Variants in PRSS22 observed in about 807,000 individuals in gnomAD.
PRSS22 encodes the protein serine protease 22.
In PRSS22, 26 loss-of-function variants were observed where a neutral mutation model predicts 28.0. The ratio of observed to expected loss-of-function variants is 0.93; its 90% CI spans 0.68 to 1.29. PRSS22 has a LOEUF of 1.29. Among genes scored for constraint, PRSS22 ranks in the 50% most tolerant of loss-of-function variants. PRSS22 has a pLI of 0.00. For missense variants in PRSS22, 444 were observed against 422.1 expected, an observed-to-expected ratio of 1.05 and a Z score of -0.46; for synonymous variants, 217 against 177.9, an observed-to-expected ratio of 1.22 and a Z score of -1.75.
chr16:2,856,070 G>A lies in PRSS22; in HGVS notation c.281+12C>T, dbSNP rs754397226. ...CTTAGAAGATCAAGTGCCCCAGGCC[G>A]GCTGTACATACTCCTTGAAACAGTG... On this transcript the variant is annotated intron_variant, in intron 3 of 5. Transcript: ENST00000161006. 10 of 1,611,464 alleles carry A rather than the reference G, an allele frequency of 6.2e-6. No individual in the cohort carries two copies. The highest frequency in any genetic ancestry group is 2.2e-5 in the East Asian group (1 of 44,810).
Position 2,853,873 on chromosome 16 carries a change from C to T in PRSS22, c.709G>A (p.Ala237Thr), listed in dbSNP as rs763143895. 2 of 1,614,004 alleles carry T rather than the reference C, an allele frequency of 1.2e-6. No homozygotes were observed. Among genetic ancestry groups the T allele is most frequent in the South Asian group, 2.2e-5 (2 of 91,080 alleles). ...CAGYLEGERD[A>T]CLGDSGGPLM... ...GGCTCGAGGGAGCTCACCAGACAAG[C>T]ATCCCGCTCCCCCTCCAAGTAGCCG... is the stretch of plus-strand genomic sequence containing the variant. Residue 237 changes from alanine (A) to threonine (T), a missense_variant, in exon 5 of 6, where the codon GCT becomes ACT. Coordinates refer to ENST00000161006, the MANE Select transcript of PRSS22 (RefSeq NM_022119.4). This position sits in a 1 kb window ranked among gnomAD's most constrained non-coding sequence, Gnocchi z 4.6.
chr16:2,854,955 T>A (rs546349051), intron 4 of PRSS22, among the ~76,000 whole-genome samples: 4 of 152,284 alleles, frequency 2.6e-5, no homozygotes, highest in Admixed American at 1.3e-4. Flanking sequence ...TGTATTCAGC[T>A]TAGTCCCACA....
At chr16:2,854,814 G>T (rs998475526) in intron 4 of PRSS22, among the ~76,000 whole-genome samples, 11 of 152,192 alleles carry the variant, frequency 7.2e-5, no homozygotes, top group African/African-American at 2.4e-4. Flanking sequence ...ACCTCCAGTG[G>T]TGGTTTGAAA....
rs755674238 is a variant in PRSS22, at chr16:2,856,176, A to T, written c.187T>A (p.Trp63Arg). ...GEDSTDSEWPWIVSIQKNGTH... is the reference protein window; with the variant it reads ...GEDSTDSEWPRIVSIQKNGTH... ...CCATTCTTCTGGATGCTCACGATCCAGGGCCACTCGCTGTCAGTGCTGTCC... is the reference window on the plus strand; with the variant it reads ...CCATTCTTCTGGATGCTCACGATCCTGGGCCACTCGCTGTCAGTGCTGTCC... The change falls in exon 3 of 6, where the codon TGG becomes AGG. Residue 63 changes from tryptophan to arginine, a missense_variant. Physicochemically the swap from Trp to Arg is moderately radical, Grantham distance 101. Coordinates refer to ENST00000161006, the MANE Select transcript of PRSS22 (RefSeq NM_022119.4). 1.9e-6 allele frequency: 3 copies of T among 1,613,876 alleles called. No homozygotes were observed. The highest frequency in any genetic ancestry group is 1.7e-4 in the Middle Eastern group (1 of 5,954).
Position 2,855,491 on chromosome 16 carries a change from G to A in PRSS22, c.559+83C>T. 21 of 1,492,906 alleles carry A rather than the reference G, an allele frequency of 1.4e-5. No homozygotes were observed. In the Admixed American group the frequency reaches 1.9e-4, roughly 14 times the overall value. 92.5% of individuals were successfully genotyped at this position (1,492,906 alleles called of 1,614,324 possible). On this transcript the variant is annotated intron_variant, in intron 4 of 5. Transcript: ENST00000161006. Reference sequence around the variant, plus strand: ...GTGCCTCTGGCCTCCACCCTTTGTTGCTCATGGTGTCTGTGTCCCTGAGTG... The same window carrying A: ...GTGCCTCTGGCCTCCACCCTTTGTTACTCATGGTGTCTGTGTCCCTGAGTG...
At chr16:2,856,623 C>T (rs1294517463) in intron 2 of PRSS22, among the ~76,000 whole-genome samples, 199 bp downstream of exon 2, 1 of 152,036 alleles carries the variant, frequency 6.6e-6, no homozygotes. Flanking sequence ...TCCTGGCTCT[C>T]TCTCTCCTCT....
rs1219246176 is a variant in PRSS22 at position 2,858,088 on chromosome 16, G to A, written c.17C>T (p.Ala6Val). 2 of 1,270,708 alleles carry A rather than the reference G, an allele frequency of 1.6e-6. No individual in the cohort carries two copies. Among genetic ancestry groups the A allele is most frequent in the Admixed American group, 4.0e-5 (1 of 25,084 alleles). 78.7% of individuals were successfully genotyped at this position (1,270,708 alleles called of 1,614,324 possible). Residue 6 changes from alanine (A) to valine (V), a missense_variant, in exon 1 of 6, where the codon GCG becomes GTG. Ala to Val is a moderately conservative substitution (Grantham distance 64, BLOSUM62 0). Coordinates refer to ENST00000161006, the MANE Select transcript of PRSS22 (RefSeq NM_022119.4). MVVSG[A>V]PPALGGGCLG... ...ACAGCCCCCACCCAGGGCTGGGGGC[G>A]CTCCAGAAACCACCATGGCTGGTGG...
intron 1 of PRSS22, chr16:2,857,592 C>T (rs764823295): frequency 1.5e-4 from 24 of 164,840 alleles, no homozygotes; most frequent in Middle Eastern, 2.9e-3. Flanking sequence ...CCCGTCCAGC[C>T]TGCCTTCCGG....
In PRSS22 at chr16:2,853,264, G is replaced by C; in HGVS notation, c.783C>G (p.Ser261Arg). ...TGCGCTCGGCACAGCCCTCGCCCCA[G>C]CTGATGATGCCGGCCAGCAGCCAGG... is the stretch of plus-strand genomic sequence containing the variant. ...DGAWLLAGII[S>R]WGEGCAERNR... Residue 261 changes from serine (S) to arginine (R), a missense_variant, in exon 6 of 6, where the codon AGC (serine) becomes AGG (arginine). Transcript: ENST00000161006. The surrounding 1 kb of genome is among the most constrained non-coding windows in gnomAD (Gnocchi z 4.6). The C allele has an allele frequency of 6.2e-7, 1 of 1,600,796 alleles. No homozygotes were observed. Among genetic ancestry groups the C allele is most frequent in the Non-Finnish European group, 8.5e-7 (1 of 1,179,708 alleles).
chr16:2,855,463 G>A lies in PRSS22; in HGVS notation c.559+111C>T, dbSNP rs565531355. ...CCATCTTTCCTTCCACCTCTGTCAT[G>A]CTGTGCCTCTGGCCTCCACCCTTTG... is the stretch of plus-strand genomic sequence containing the variant. On this transcript the variant is annotated intron_variant, in intron 4 of 5. Coordinates refer to ENST00000161006, the MANE Select transcript of PRSS22 (RefSeq NM_022119.4). 31 of 1,224,072 alleles carry A rather than the reference G, an allele frequency of 2.5e-5. No individual in the cohort carries two copies. In the East Asian group the frequency reaches 4.8e-4, roughly 19 times the overall value. 75.8% of individuals were successfully genotyped at this position (1,224,072 alleles called of 1,614,324 possible).
chr16:2,857,714 G>C (rs1344641074), intron 1 of PRSS22: 4 of 263,446 alleles, frequency 1.5e-5, no homozygotes, highest in Non-Finnish European at 2.9e-5. Context: ...AACACAAAAC[G>C]GTGCTTCCCC....
rs758598271 is a variant in PRSS22 at position 2,855,655 on chromosome 16, T to C, written c.478A>G (p.Ile160Val). Residue 160 changes from isoleucine (I) to valine (V), a missense_variant, in exon 4 of 6, where the codon ATC (isoleucine) becomes GTC (valine). Transcript: ENST00000161006. ...TGGATAGAGGCATCAGGTAGGCAGA[T>C]GGGCAGGACCCGCTCTGAGAACTGT... ...SIQFSERVLP[I>V]CLPDASIHLP... The C allele has an allele frequency of 6.2e-7, 1 of 1,614,114 alleles. No individual in the cohort carries two copies. The highest frequency in any genetic ancestry group is 8.5e-7 in the Non-Finnish European group (1 of 1,180,016).
In PRSS22 at chr16:2,853,945, A is replaced by G. The variant is rs369366864; in HGVS notation, c.637T>C (p.Trp213Arg). 6.8e-6 allele frequency: 11 copies of G among 1,614,084 alleles called. No homozygotes were observed. The African/African-American group carries it at 1.1e-4, about 16-fold the overall frequency. Residue 213 changes from tryptophan to arginine, a missense_variant, in exon 5 of 6, where the codon TGG becomes CGG. Transcript: ENST00000161006. The surrounding 1 kb of genome is among the most constrained non-coding windows in gnomAD (Gnocchi z 4.6). ...ATGGGTCCCTGTCCTGCTCCCCGCC[A>G]GTACAGATGGCTGCAGACTTCCGAG... ...IDSEVCSHLY[W>R]RGAGQGPITE...
rs560033667 is a variant in PRSS22 at position 2,855,697 on chromosome 16, G to A, written c.436C>T (p.Arg146Cys). The change falls in exon 4 of 6, where the codon CGT (arginine) becomes TGT (cysteine). Residue 146 changes from arginine to cysteine, a missense_variant. Transcript: ENST00000161006. ...EGACADIALV[R>C]LERSIQFSER... is the part of the protein sequence containing the mutation. ...GAGAACTGTATGGAGCGCTCGAGAC[G>A]CACCAGGGCAATGTCTGCACAGGCA... The A allele has an allele frequency of 2.5e-6, 4 of 1,614,202 alleles. No individual in the cohort carries two copies. The highest frequency in any genetic ancestry group is 2.2e-5 in the East Asian group (1 of 44,888).
chr16:2,854,068 C>T (rs2069432964), intron 4 of PRSS22, 46 bp from the exon 5 acceptor site: 3 of 1,608,264 alleles, frequency 1.9e-6, no homozygotes, highest in Non-Finnish European at 2.6e-6. Context: ...CTCCCCTCCT[C>T]GTTGCCTCCT....
chr16:2,853,492 G>T lies in PRSS22; in HGVS notation c.718-163C>A, dbSNP rs1186014403. Among the ~76,000 whole-genome samples, 1 of 152,208 alleles carries T rather than the reference G, an allele frequency of 6.6e-6. No homozygotes were observed. The highest frequency in any genetic ancestry group is 2.4e-5 in the African/African-American group (1 of 41,456). On this transcript the variant is annotated intron_variant, in intron 5 of 5. Transcript: ENST00000161006. The surrounding 1 kb of genome is among the most constrained non-coding windows in gnomAD (Gnocchi z 4.6). ...CCACCCAGGTGAGAAGTCCCCGGCG[G>T]CAGAGTAGGAGCTGCAGCCAGGCCT...
chr16:2,853,468 C>T lies in PRSS22; in HGVS notation c.718-139G>A. The T allele has an allele frequency of 2.8e-6, 2 of 722,290 alleles. No individual in the cohort carries two copies. The highest frequency in any genetic ancestry group is 1.9e-5 in the South Asian group (1 of 53,658). The allele number at this position is 722,290 out of a possible 1,614,324, so 44.7% of individuals were successfully genotyped here. A position where few individuals can be genotyped will look rare whatever the true frequency, so the allele number is the denominator to read the frequency against. ...CCTGGAGGAGACAGGACCTGAGCTC[C>T]ACCCAGGTGAGAAGTCCCCGGCGGC... On this transcript the variant is annotated intron_variant, in intron 5 of 5. Coordinates refer to ENST00000161006, the MANE Select transcript of PRSS22 (RefSeq NM_022119.4). The surrounding 1 kb of genome is among the most constrained non-coding windows in gnomAD (Gnocchi z 4.6).
At position 2,853,190 on chromosome 16, in the gene PRSS22, TCCA is replaced by T; in HGVS notation, c.854_856del (p.Val285del). On this transcript the variant is annotated inframe_deletion, in exon 6 of 6. Coordinates refer to ENST00000161006, the MANE Select transcript of PRSS22 (RefSeq NM_022119.4). This position sits in a 1 kb window ranked among gnomAD's most constrained non-coding sequence, Gnocchi z 4.6. ...GAGCTGCACCCCTTGCACGATCTTC[TCCA>T]CCCAGGAGCGGTGCGCAGAGAGGCT... is the stretch of plus-strand genomic sequence containing the variant. The T allele has an allele frequency of 6.3e-7, 1 of 1,599,764 alleles. No individual in the cohort carries two copies. The highest frequency in any genetic ancestry group is 2.2e-5 in the East Asian group (1 of 44,844).
intron 2 of PRSS22, among the ~76,000 whole-genome samples, chr16:2,856,519 C>T (rs2069459110): frequency 6.6e-6 from 1 of 151,998 alleles, no homozygotes; most frequent in Non-Finnish European, 1.5e-5. Context: ...TGCTGGTCCT[C>T]ACCTGGCCCT....
Sources: gnomAD v4.1 joint callset for allele counts (sites outside exome capture counted in the v4.1 genomes callset) on GRCh38, gnomAD v4.1.1 for gene constraint, Gnocchi (gnomAD v3.1) non-coding constraint, MANE v1.5 for transcripts, NCBI Gene and HGNC (gene_info 2026-07-23, HGNC 2026-07-21) for gene names.